DGKD: variants seen among roughly 807,000 people sequenced by gnomAD.
The protein encoded by DGKD is DAG kinase delta.
A neutral mutation model predicts 154.4 loss-of-function variants in DGKD; 68 were observed. The observed-to-expected ratio is 0.44, with a 90% CI of 0.36 to 0.54. The LOEUF (loss-of-function observed/expected upper bound fraction) is 0.54. Ranked by LOEUF, DGKD falls within the 20% of genes least tolerant of loss-of-function variation. The pLI is 0.00. For synonymous variants in DGKD, 693 were observed against 638.0 expected, an observed-to-expected ratio of 1.09 and a Z score of -1.30; for missense variants, 1,343 against 1,593.6, an observed-to-expected ratio of 0.84 and a Z score of 2.68.
intron 1 of DGKD, chr2:233,379,899 A>G (rs1702794342): frequency 1.3e-5 from 2 of 152,234 alleles, no homozygotes; most frequent in South Asian, 4.1e-4. Context: ...CAAGGAGTTC[A>G]GTCTGTAACT....
rs111963448 is a variant in DGKD at position 233,396,414 on chromosome 2, T to G, written c.348+5931T>G. 5.5e-3 allele frequency among the ~76,000 whole-genome samples: 837 copies of G among 152,324 alleles called. 10 individuals are homozygous for G. Among genetic ancestry groups the G allele is most frequent in the African/African-American group, 0.018 (762 of 41,562 alleles). ...TCATTGTTTTGGCAAGCATTTTTTT[T>G]GGGGTCTACCGTGGGCCACACACCA... On this transcript the variant is annotated intron_variant, in intron 3 of 29. Transcript: ENST00000264057.
chr2:233,364,260 A>G (rs895481801), intron 1 of DGKD, among the ~76,000 whole-genome samples: 1 of 152,246 alleles, frequency 6.6e-6, no homozygotes, highest in Non-Finnish European at 1.5e-5. Flanking sequence ...AGATACTTTC[A>G]TATAAACAAA....
At chr2:233,387,937 C>T (rs775823576) in intron 1 of DGKD, among the ~76,000 whole-genome samples, 3 of 152,198 alleles carry the variant, frequency 2.0e-5, no homozygotes, top group Non-Finnish European at 4.4e-5. Context: ...AGTGTCCTCC[C>T]AGCTGCTGTG....
chr2:233,380,498 C>T (rs867616825), intron 1 of DGKD, among the ~76,000 whole-genome samples: 12 of 152,218 alleles, frequency 7.9e-5, no homozygotes, highest in South Asian at 4.1e-4. Flanking sequence ...TGAGACTACA[C>T]GTGTTCCCAT....
rs371751855 is a variant in DGKD, at chr2:233,403,785, G to A, written c.348+13302G>A. Among the ~76,000 whole-genome samples, 7 of 151,810 alleles carry A rather than the reference G, an allele frequency of 4.6e-5. No homozygotes were observed. The South Asian group carries it at 1.0e-3, about 23-fold the overall frequency. On this transcript the variant is annotated intron_variant, in intron 3 of 29. Coordinates refer to ENST00000264057, the MANE Select transcript of DGKD (RefSeq NM_152879.3). Reference sequence around the variant, plus strand: ...CTCCTGAGTAGCTGGGATTATAGGCGTGTGCCACCACACCCAGCTAATTTT... The same window carrying A: ...CTCCTGAGTAGCTGGGATTATAGGCATGTGCCACCACACCCAGCTAATTTT...
chr2:233,416,104 C>A (rs541889027), intron 3 of DGKD, among the ~76,000 whole-genome samples: 1 of 152,270 alleles, frequency 6.6e-6, no homozygotes, highest in South Asian at 2.1e-4. Context: ...AGTATGTCCC[C>A]CTTTCCCTCA....
At chr2:233,381,758 G>A (rs1702916293) in intron 1 of DGKD, among the ~76,000 whole-genome samples, 1 of 152,196 alleles carries the variant, frequency 6.6e-6, no homozygotes, top group African/African-American at 2.4e-5. Context: ...TAGAATTGGA[G>A]AGGCCTGGGA....
intron 3 of DGKD, among the ~76,000 whole-genome samples, chr2:233,401,935 A>T (rs2061569103): frequency 6.7e-6 from 1 of 150,042 alleles, no homozygotes; most frequent in East Asian, 2.0e-4. Context: ...AAAAAAAAAA[A>T]AAAAAAAAAA....
intron 3 of DGKD, among the ~76,000 whole-genome samples, chr2:233,408,564 C>T (rs2061744473): frequency 6.6e-6 from 1 of 152,192 alleles, no homozygotes. Context: ...TGCTCAAGTG[C>T]AGTGTTCCAG....
intron 1 of DGKD, among the ~76,000 whole-genome samples, chr2:233,364,887 C>A (rs868602757): frequency 3.9e-5 from 6 of 151,978 alleles, no homozygotes; most frequent in African/African-American, 1.5e-4. Context: ...ACGTTTAAAA[C>A]ATAAGGATAT....
chr2:233,386,664 G>C (rs1703199999), intron 1 of DGKD, among the ~76,000 whole-genome samples: 1 of 152,152 alleles, frequency 6.6e-6, no homozygotes, highest in Admixed American at 6.5e-5. Context: ...TTAATTACTG[G>C]GGAGAGGGTG....
In DGKD at chr2:233,448,267, T is replaced by G. The variant is rs760934966; in HGVS notation, c.1515-9T>G. ...CTCTAGAAGGGTCTTTCTGTTTTTC[T>G]CCCCACAGAGTGCTCTGTGAGACGG... On this transcript the variant is annotated splice_polypyrimidine_tract_variant and intron_variant, in intron 13 of 29. Transcript: ENST00000264057. 6.2e-7 allele frequency: 1 copy of G among 1,614,004 alleles called. No homozygotes were observed. Among genetic ancestry groups the G allele is most frequent in the Non-Finnish European group, 8.5e-7 (1 of 1,179,930 alleles).
intron 3 of DGKD, among the ~76,000 whole-genome samples, chr2:233,401,668 C>A (rs1036877405): frequency 3.3e-5 from 5 of 152,100 alleles, no homozygotes; most frequent in Non-Finnish European, 7.4e-5. Flanking sequence ...CACCTGTAAT[C>A]CCAGTGCTTT....
intron 3 of DGKD, among the ~76,000 whole-genome samples, chr2:233,424,019 G>A (rs1197696023): frequency 2.0e-5 from 3 of 152,082 alleles, no homozygotes; most frequent in Non-Finnish European, 4.4e-5. Context: ...TGAGAGGAGT[G>A]GGGAAAAGTA....
intron 18 of DGKD, among the ~76,000 whole-genome samples, chr2:233,453,038 C>T (rs2124889237): frequency 6.6e-6 from 1 of 152,264 alleles, no homozygotes; most frequent in Middle Eastern, 3.4e-3. Flanking sequence ...AGGCTTTTTT[C>T]CTTGGGGAGG....
intron 3 of DGKD, chr2:233,392,105 AC>A (rs571462083): frequency 1.3e-5 from 2 of 150,960 alleles, no homozygotes; most frequent in African/African-American, 4.9e-5. Context: ...GCTCACTGCA[AC>A]CTCCGTCTCC....
At chr2:233,370,782 G>A (rs535130540) in intron 1 of DGKD, among the ~76,000 whole-genome samples, 1 of 150,982 alleles carries the variant, frequency 6.6e-6, no homozygotes, top group South Asian at 2.1e-4. Flanking sequence ...TTGAGACAGG[G>A]TCTCTGTCAC....
rs767095580 is a variant in DGKD, at chr2:233,468,445, G to T, written c.3447G>T (p.Glu1149Asp). The change falls in exon 29 of 30, where the codon GAG becomes GAT. Residue 1149 changes from glutamate to aspartate, a missense_variant. Around this residue, in one of 6 missense-constraint regions of DGKD, gnomAD observed 429 missense variants for 496.3 expected, o/e 0.86. Coordinates refer to ENST00000264057, the MANE Select transcript of DGKD (RefSeq NM_152879.3). ...CAGTTCACCTCTGGGGGACAGAGGA[G>T]GTTGCTGCCTGGCTGGAGCACCTCA... The part of the protein sequence containing the change: ...GAPVHLWGTE[E>D]VAAWLEHLSL... The T allele has an allele frequency of 6.2e-7, 1 of 1,613,450 alleles. No homozygotes were observed. The highest frequency in any genetic ancestry group is 8.5e-7 in the Non-Finnish European group (1 of 1,179,898).
At chr2:233,424,798 G>A (rs184350185) in intron 3 of DGKD, among the ~76,000 whole-genome samples, 42 of 152,356 alleles carry the variant, frequency 2.8e-4, no homozygotes, top group East Asian at 5.8e-4. Flanking sequence ...GAAAACACGC[G>A]GTGGATTGCC....
Sources: allele counts gnomAD v4.1 joint callset (sites outside exome capture counted in the v4.1 genomes callset), GRCh38; gene constraint gnomAD v4.1.1; regional missense constraint gnomAD v4.1.1; transcripts MANE v1.5; gene names NCBI Gene and HGNC (gene_info 2026-07-23, HGNC 2026-07-21).